ANKFN1: variants seen among roughly 807,000 people sequenced by gnomAD.
ANKFN1 encodes ankyrin repeat and fibronectin type-III domain-containing protein 1.
In ANKFN1, 74 loss-of-function variants were observed where a neutral mutation model predicts 108.7. The observed-to-expected ratio is 0.68, with a 90% confidence interval of 0.56 to 0.83. The LOEUF (loss-of-function observed/expected upper bound fraction) is 0.83. Ranked by LOEUF, ANKFN1 falls within the 40% of genes least tolerant of loss-of-function variation. ANKFN1 has a pLI of 0.00. For missense variants in ANKFN1, 1,505 were observed against 1,382.3 expected, an observed-to-expected ratio of 1.09 and a Z score of -1.41; for synonymous variants, 547 against 516.2, an observed-to-expected ratio of 1.06 and a Z score of -0.81.
Position 56,366,749 on chromosome 17 carries a change from G to C in ANKFN1, c.602-5897G>C, listed in dbSNP as rs118020861. Among the ~76,000 whole-genome samples, 10 of 152,328 alleles carry C rather than the reference G, an allele frequency of 6.6e-5. 1 individual carries two copies. The East Asian group carries it at 1.9e-3, about 29-fold the overall frequency. On this transcript the variant is annotated intron_variant, in intron 6 of 20. Coordinates refer to ENST00000682825, the MANE Select transcript of ANKFN1 (RefSeq NM_001370326.1). Reference sequence around the variant, plus strand: ...ATAGGCTATACCATAGAGTCTGGCTGTGTGGTAGGCTATGCCTGCTAGATT... The same window carrying C: ...ATAGGCTATACCATAGAGTCTGGCTCTGTGGTAGGCTATGCCTGCTAGATT...
chr17:56,380,675 G>A (rs978407634), intron 8 of ANKFN1, among the ~76,000 whole-genome samples: 29 of 152,192 alleles, frequency 1.9e-4, no homozygotes, highest in Admixed American at 3.3e-4. Flanking sequence ...ACGGAGTCTC[G>A]CTGATTGCTA....
At chr17:56,175,591 C>A (rs530397224) in intron 1 of ANKFN1, among the ~76,000 whole-genome samples, 1 of 152,116 alleles carries the variant, frequency 6.6e-6, no homozygotes. Context: ...AGTTGACAAG[C>A]GATGGTGAAG....
intron 1 of ANKFN1, among the ~76,000 whole-genome samples, chr17:56,180,474 A>G (rs1167069682): frequency 6.6e-6 from 1 of 152,206 alleles, no homozygotes; most frequent in African/African-American, 2.4e-5. Context: ...ACATTCAACT[A>G]AGCAGTTAAA....
At position 56,247,420 on chromosome 17, in the gene ANKFN1, C is replaced by T. The variant is rs181638371; in HGVS notation, c.53+19463C>T. 1.6e-3 allele frequency among the ~76,000 whole-genome samples: 244 copies of T among 152,254 alleles called. 4 individuals are homozygous for T. The highest frequency in any genetic ancestry group is 1.3e-3 in the Non-Finnish European group (86 of 68,008). On this transcript the variant is annotated intron_variant, in intron 3 of 20. Coordinates refer to ENST00000682825, the MANE Select transcript of ANKFN1 (RefSeq NM_001370326.1). ...GATATTTCAGGCCTTGGGCTAACAA[C>T]CCTAGGTAAAAACAAACAAACAAAT... is the stretch of plus-strand genomic sequence containing the variant.
chr17:56,319,542 A>G (rs188843657), intron 3 of ANKFN1, among the ~76,000 whole-genome samples: 53 of 152,294 alleles, frequency 3.5e-4, no homozygotes, highest in Middle Eastern at 3.4e-3. Flanking sequence ...GTCCTCTACC[A>G]CAACCGCACT....
chr17:56,457,380 G>A lies in ANKFN1; in HGVS notation c.1431G>A (p.Trp477Ter), dbSNP rs2049743860. The change falls in exon 13 of 21, where the codon TGG becomes TGA. Residue 477 changes from tryptophan to a stop codon, truncating the protein, a stop_gained. Transcript: ENST00000682825. LOFTEE classifies it high-confidence loss of function. ...HTSSITQDFLWFTKLSCMWED... is the reference protein window; with the variant it reads ...HTSSITQDFL ...GTTCTATTACACAAGATTTTCTGTG[G>A]TTCACGAAGGTATACTAAGTTCTGA... 1 of 1,590,200 alleles carries A rather than the reference G, an allele frequency of 6.3e-7. No homozygotes were observed. Among genetic ancestry groups the A allele is most frequent in the Non-Finnish European group, 8.5e-7 (1 of 1,173,932 alleles).
chr17:56,232,347 T>C (rs548507675), intron 3 of ANKFN1, among the ~76,000 whole-genome samples: 2 of 152,270 alleles, frequency 1.3e-5, no homozygotes, highest in South Asian at 4.1e-4. Context: ...ATTCTCGTTC[T>C]GGTGTGTTAG....
intron 7 of ANKFN1, 77 bp downstream of exon 7, chr17:56,372,917 T>C (rs2046849654): frequency 7.9e-7 from 1 of 1,261,098 alleles, no homozygotes; most frequent in African/African-American, 1.5e-5. Context: ...CTTTTACAGA[T>C]TTTTTTTTTC....
chr17:56,114,822 C>T (rs1244766592), intron 4 of ANKFN1, among the ~76,000 whole-genome samples: 1 of 152,178 alleles, frequency 6.6e-6, no homozygotes, highest in Non-Finnish European at 1.5e-5. Context: ...AAGAGGGAGG[C>T]AGATGAATCA....
intron 18 of ANKFN1, among the ~76,000 whole-genome samples, chr17:56,488,834 T>C (rs1164151935): frequency 6.6e-6 from 1 of 152,258 alleles, no homozygotes; most frequent in Non-Finnish European, 1.5e-5. Context: ...AATATTTTAA[T>C]TCCAGTCCTG....
At chr17:56,245,459 A>G (rs547298104) in intron 3 of ANKFN1, among the ~76,000 whole-genome samples, 1 of 152,170 alleles carries the variant, frequency 6.6e-6, no homozygotes, top group Non-Finnish European at 1.5e-5. Flanking sequence ...AGTGTACTTT[A>G]TGGGTGATTT....
At chr17:56,434,030 C>T (rs2048850931) in intron 8 of ANKFN1, among the ~76,000 whole-genome samples, 1 of 151,578 alleles carries the variant, frequency 6.6e-6, no homozygotes, top group Non-Finnish European at 1.5e-5. Context: ...AGCAAGACTC[C>T]ATCTAAACAA....
At position 56,147,828 on chromosome 17, in the gene ANKFN1, A is replaced by G. The variant is rs139885336; in HGVS notation, c.289-80089A>G. Among the ~76,000 whole-genome samples the G allele has an allele frequency of 3.9e-5, 6 of 152,340 alleles. No individual in the cohort carries two copies. In the East Asian group the frequency reaches 1.2e-3, roughly 29 times the overall value. On this transcript the variant is annotated intron_variant, in intron 4 of 12. Coordinates refer to the ANKFN1 transcript ENST00000635860. ...TTCCAGATATGGAAACAGAGAGGTTATGGGAATGGACTACTTGTGTCAAGT... is the reference window on the plus strand; with the variant it reads ...TTCCAGATATGGAAACAGAGAGGTTGTGGGAATGGACTACTTGTGTCAAGT...
intron 8 of ANKFN1, among the ~76,000 whole-genome samples, chr17:56,395,370 C>T (rs535494710): frequency 6.6e-6 from 1 of 152,220 alleles, no homozygotes; most frequent in East Asian, 1.9e-4. Flanking sequence ...CACAGCCATA[C>T]GGAGGCACTG....
At chr17:56,506,940 G>A (rs2051590581) in intron 20 of ANKFN1, among the ~76,000 whole-genome samples, 1 of 152,158 alleles carries the variant, frequency 6.6e-6, no homozygotes. Flanking sequence ...TGCTGTAAGT[G>A]TTAAACAAAA....
At chr17:56,495,068 G>T (rs558534457) in intron 19 of ANKFN1, among the ~76,000 whole-genome samples, 1 of 152,206 alleles carries the variant, frequency 6.6e-6, no homozygotes, top group African/African-American at 2.4e-5. Context: ...GCCCGCTCTG[G>T]TCTCCCAAAG....
At chr17:56,388,679 A>G (rs777436477) in intron 8 of ANKFN1, among the ~76,000 whole-genome samples, 7 of 151,662 alleles carry the variant, frequency 4.6e-5, no homozygotes, top group Non-Finnish European at 4.4e-5. Context: ...TTTCTCTTCT[A>G]CTTTATTTAC....
intron 4 of ANKFN1, among the ~76,000 whole-genome samples, chr17:56,092,241 A>G (rs1450356523): frequency 6.7e-6 from 1 of 149,438 alleles, no homozygotes; most frequent in Admixed American, 6.7e-5. Flanking sequence ...CTGCATCACA[A>G]TGTAGGCACA....
rs541897019 is a variant in ANKFN1 at position 56,387,463 on chromosome 17, T to C, written c.910+12749T>C. 2.6e-5 allele frequency among the ~76,000 whole-genome samples: 4 copies of C among 152,350 alleles called. No individual in the cohort carries two copies. In the South Asian group the frequency reaches 6.2e-4, roughly 24 times the overall value. On this transcript the variant is annotated intron_variant, in intron 8 of 20. Transcript: ENST00000682825. ...CCAAGTGGCCAGATTTTATCTGGTG[T>C]ATTTTTATCGTTAATGTCTAATTTT... is the stretch of plus-strand genomic sequence containing the variant.
Sources: allele counts gnomAD v4.1 joint callset (sites outside exome capture counted in the v4.1 genomes callset), GRCh38; gene constraint gnomAD v4.1.1; transcripts MANE v1.5; gene names NCBI Gene and HGNC (gene_info 2026-07-23, HGNC 2026-07-21).